The following PRIM2 variants were observed in gnomAD, a reference collection of about 807,000 sequenced individuals.
PRIM2 encodes DNA primase large subunit.
PRIM2 carries 39 observed loss-of-function variants against 67.3 expected under a neutral mutation model. The observed-to-expected ratio is 0.58, with a 90% CI of 0.45 to 0.76. The LOEUF is 0.76. Ranked by LOEUF, PRIM2 falls within the 30% of genes least tolerant of loss-of-function variation. The probability of loss-of-function intolerance (pLI) is 0.00; values close to 1 mark genes in which losing one functional copy is unlikely to be tolerated. For missense variants in PRIM2, 398 were observed against 598.7 expected, an observed-to-expected ratio of 0.66 and a Z score of 3.50; for synonymous variants, 143 against 198.7, an observed-to-expected ratio of 0.72 and a Z score of 2.36.
chr6:57,599,654 C>T (rs1339588725), intron 10 of PRIM2, among the ~76,000 whole-genome samples: 1 of 152,094 alleles, frequency 6.6e-6, no homozygotes, highest in Non-Finnish European at 1.5e-5. Context: ...CCATAAACTC[C>T]TTGAGGTAAG....
the PRIM2 span, among the ~76,000 whole-genome samples, chr6:57,308,960 G>A: frequency 1.4e-5 from 2 of 146,844 alleles, no homozygotes; most frequent in Admixed American, 6.8e-5. Context: ...AGTATTTATT[G>A]ATCATTCTTG....
At chr6:57,470,310 G>A (rs1390936614) in intron 7 of PRIM2, among the ~76,000 whole-genome samples, 13 of 149,510 alleles carry the variant, frequency 8.7e-5, no homozygotes, top group South Asian at 2.1e-4. Flanking sequence ...TTGGTGCTGT[G>A]TTCTGCAGCT....
intron 5 of PRIM2, among the ~76,000 whole-genome samples, chr6:57,357,023 T>C (rs1769051376): frequency 1.3e-5 from 2 of 149,132 alleles, no homozygotes; most frequent in East Asian, 2.0e-4. Flanking sequence ...AACCTCGGCC[T>C]CCTGGGTTCA....
the PRIM2 span, among the ~76,000 whole-genome samples, chr6:57,233,504 C>T: frequency 6.6e-6 from 1 of 152,212 alleles, no homozygotes; most frequent in Non-Finnish European, 1.5e-5. Flanking sequence ...AAAATGATCA[C>T]TAAATGTCTA....
At position 57,320,562 on chromosome 6, in the gene PRIM2, T is replaced by G. The variant is rs556753573; in HGVS notation, c.258+2T>G. On this transcript the variant is annotated splice_donor_variant, in intron 3 of 13. Transcript: ENST00000615550. LOFTEE classifies it high-confidence loss of function. ...CGGAAGCTCAAGTTTTCCTACAGAGTAAGTAAAAAAGGAAAAAAAAGTTCC... is the reference window on the plus strand; with the variant it reads ...CGGAAGCTCAAGTTTTCCTACAGAGGAAGTAAAAAAGGAAAAAAAAGTTCC... 37 of 1,585,304 alleles carry G rather than the reference T, an allele frequency of 2.3e-5. No individual in the cohort carries two copies. The Admixed American group carries it at 4.7e-4, about 20-fold the overall frequency.
chr6:57,257,457 G>C, the PRIM2 span, among the ~76,000 whole-genome samples: 1 of 152,110 alleles, frequency 6.6e-6, no homozygotes, highest in Non-Finnish European at 1.5e-5. Flanking sequence ...TTTTAGTAGA[G>C]ACAGGATTTC....
chr6:57,524,588 C>T (rs1196884003), intron 8 of PRIM2, among the ~76,000 whole-genome samples: 11 of 152,048 alleles, frequency 7.2e-5, no homozygotes, highest in Non-Finnish European at 1.0e-4. Flanking sequence ...GTAATCCCAG[C>T]TACTCGGGAG....
the PRIM2 span, among the ~76,000 whole-genome samples, chr6:57,234,642 G>A: frequency 1.3e-5 from 2 of 152,110 alleles, no homozygotes; most frequent in Admixed American, 6.5e-5. Context: ...TCTTGCCTCA[G>A]CCTCCCAAGT....
chr6:57,456,760 G>C (rs1390147235), intron 7 of PRIM2, among the ~76,000 whole-genome samples: 2 of 151,942 alleles, frequency 1.3e-5, no homozygotes. Context: ...GGAGTAGTTT[G>C]ATCATCTGAA....
At chr6:57,295,410 C>G in the PRIM2 span, among the ~76,000 whole-genome samples, 4 of 152,024 alleles carry the variant, frequency 2.6e-5, no homozygotes, top group Admixed American at 2.6e-4. Flanking sequence ...TAGCAAACCA[C>G]TGGTTTATTT....
At chr6:57,489,706 G>C (rs1302747890) in intron 7 of PRIM2, among the ~76,000 whole-genome samples, 2 of 152,300 alleles carry the variant, frequency 1.3e-5, no homozygotes, top group African/African-American at 4.8e-5. Flanking sequence ...CTGTCAAGTT[G>C]GAGAGTTAAT....
chr6:57,292,845 G>T, the PRIM2 span, among the ~76,000 whole-genome samples: 2 of 152,098 alleles, frequency 1.3e-5, no homozygotes, highest in Admixed American at 1.3e-4. Context: ...AACTCACAGT[G>T]GATTAAAGAC....
chr6:57,526,467 G>A (rs1404823301), intron 8 of PRIM2, among the ~76,000 whole-genome samples: 1 of 152,028 alleles, frequency 6.6e-6, no homozygotes, highest in Non-Finnish European at 1.5e-5. Context: ...TGAGAATTAA[G>A]GAAATCAAAT....
upstream of PRIM2, among the ~76,000 whole-genome samples, chr6:57,315,806 T>C (rs1026863856): frequency 2.6e-5 from 4 of 152,144 alleles, no homozygotes; most frequent in African/African-American, 4.8e-5. Context: ...GGTCAAGTCT[T>C]TATATCTTTT....
chr6:57,327,673 A>G lies in PRIM2; in HGVS notation c.459+1628A>G, dbSNP rs533545304. On this transcript the variant is annotated intron_variant, in intron 5 of 13. Coordinates refer to ENST00000615550, the MANE Select transcript of PRIM2 (RefSeq NM_000947.5). ...ATCCTTGGTGAAGTCCATTATTGCAATTATCAATTACAGTTAATTTATCCA... is the reference window on the plus strand; with the variant it reads ...ATCCTTGGTGAAGTCCATTATTGCAGTTATCAATTACAGTTAATTTATCCA... Among the ~76,000 whole-genome samples, 5 of 152,326 alleles carry G rather than the reference A, an allele frequency of 3.3e-5. No homozygotes were observed. The East Asian group carries it at 9.6e-4, about 29-fold the overall frequency.
chr6:57,517,475 T>C (rs1416693182), intron 8 of PRIM2, among the ~76,000 whole-genome samples: 1 of 152,192 alleles, frequency 6.6e-6, no homozygotes, highest in Non-Finnish European at 1.5e-5. Context: ...CTTACGGCTA[T>C]TGAGCATTTG....
intron 13 of PRIM2, among the ~76,000 whole-genome samples, chr6:57,632,973 A>C (rs1215070627): frequency 6.6e-6 from 1 of 152,232 alleles, no homozygotes; most frequent in African/African-American, 2.4e-5. Context: ...GGAATGACCC[A>C]GTCTGGCACA....
intron 5 of PRIM2, among the ~76,000 whole-genome samples, chr6:57,376,945 T>G (rs868581563): frequency 3.9e-5 from 6 of 152,168 alleles, no homozygotes; most frequent in Admixed American, 1.3e-4. Flanking sequence ...TGGCACAATC[T>G]GGCTCACCGC....
At chr6:57,456,792 A>C (rs1195206966) in intron 7 of PRIM2, among the ~76,000 whole-genome samples, 1 of 151,990 alleles carries the variant, frequency 6.6e-6, no homozygotes, top group Non-Finnish European at 1.5e-5. Context: ...TCAACTTGTC[A>C]AAGTCATTCT....
Sources: allele counts gnomAD v4.1 joint callset (sites outside exome capture counted in the v4.1 genomes callset), GRCh38; gene constraint gnomAD v4.1.1; transcripts MANE v1.5; gene names NCBI Gene and HGNC (gene_info 2026-07-23, HGNC 2026-07-21).